The following MCCC1 variants were observed in gnomAD, a reference collection of about 807,000 sequenced individuals.
MCCC1 encodes the protein methylcrotonoyl-CoA carboxylase subunit alpha, mitochondrial.
A neutral mutation model predicts 83.8 loss-of-function variants in MCCC1; 64 were observed. The observed-to-expected ratio is 0.76, with a 90% CI of 0.62 to 0.94. The LOEUF (loss-of-function observed/expected upper bound fraction) is 0.94, where lower values mean the gene tolerates loss of function less well. Ranked by LOEUF, MCCC1 falls within the 40% of genes least tolerant of loss-of-function variation. The probability of loss-of-function intolerance (pLI) is 0.00; values close to 1 mark genes in which losing one functional copy is unlikely to be tolerated. For missense variants in MCCC1, 807 were observed against 904.7 expected, an observed-to-expected ratio of 0.89 and a Z score of 1.39; for synonymous variants, 322 against 315.4, an observed-to-expected ratio of 1.02 and a Z score of -0.22.
chr3:183,024,624 A>AC (rs891097449), intron 15 of MCCC1, among the ~76,000 whole-genome samples: 1 of 151,732 alleles, frequency 6.6e-6, no homozygotes, highest in Non-Finnish European at 1.5e-5. Context: ...AAAACAAAAA[A>AC]AAAACAAAAC....
intron 1 of MCCC1, chr3:183,099,123 G>C (rs1718957078): frequency 3.3e-6 from 2 of 600,946 alleles, no homozygotes; most frequent in Admixed American, 2.9e-5. Context: ...AGAAGCCAAA[G>C]GCGCGCTGAA....
chr3:183,046,892 G>A (rs1016159357), intron 9 of MCCC1, among the ~76,000 whole-genome samples: 2 of 152,184 alleles, frequency 1.3e-5, no homozygotes, highest in African/African-American at 4.8e-5. Context: ...ATACAGAGAT[G>A]CCATGAGGAG....
At chr3:183,034,766 C>A (rs545587116) in intron 13 of MCCC1, among the ~76,000 whole-genome samples, 6 of 145,310 alleles carry the variant, frequency 4.1e-5, no homozygotes, top group South Asian at 4.5e-4. Flanking sequence ...GTTGGCCCAG[C>A]CCTTATAGGC....
rs141503600 is a variant in MCCC1, at chr3:183,065,362, T to G, written c.761+5637A>C. ...GCTTAGGGAATGAGTCCTTTTCTTC[T>G]GTTTGTCTGTGTATTTATATGTGTT... On this transcript the variant is annotated intron_variant, in intron 7 of 18. Coordinates refer to ENST00000265594, the MANE Select transcript of MCCC1 (RefSeq NM_020166.5). Among the ~76,000 whole-genome samples the G allele has an allele frequency of 4.6e-5, 7 of 152,304 alleles. No homozygotes were observed. The East Asian group carries it at 1.3e-3, about 29-fold the overall frequency.
At position 183,052,243 on chromosome 3, in the gene MCCC1, A is replaced by T. The variant is rs1363919370; in HGVS notation, c.874-3T>A. 10 of 1,613,196 alleles carry T rather than the reference A, an allele frequency of 6.2e-6. No homozygotes were observed. Among genetic ancestry groups the T allele is most frequent in the Non-Finnish European group, 8.5e-6 (10 of 1,179,292 alleles). On this transcript the variant is annotated splice_polypyrimidine_tract_variant and splice_region_variant and intron_variant, in intron 8 of 18. Coordinates refer to ENST00000265594, the MANE Select transcript of MCCC1 (RefSeq NM_020166.5). ...CTTACTTCAGATTTAATACCAGGCTATGAAAAAAATATGTAAATAAATCTC... is the reference window on the plus strand; with the variant it reads ...CTTACTTCAGATTTAATACCAGGCTTTGAAAAAAATATGTAAATAAATCTC...
chr3:183,020,395 G>A (rs562135326), intron 16 of MCCC1, among the ~76,000 whole-genome samples, 158 bp from the exon 17 acceptor site: 1 of 152,326 alleles, frequency 6.6e-6, no homozygotes, highest in Non-Finnish European at 1.5e-5. Context: ...ACTTTGGGAG[G>A]CTGAGGTAGG....
At chr3:183,067,538 T>G (rs2108520327) in intron 7 of MCCC1, among the ~76,000 whole-genome samples, 1 of 152,376 alleles carries the variant, frequency 6.6e-6, no homozygotes, top group African/African-American at 2.4e-5. Flanking sequence ...TTTCAAGAAC[T>G]ATGGCACATT....
At position 183,022,530 on chromosome 3, in the gene MCCC1, G is replaced by A. The variant is rs769907561; in HGVS notation, c.1756C>T (p.Leu586Phe). 3 of 1,613,288 alleles carry A rather than the reference G, an allele frequency of 1.9e-6. No homozygotes were observed. Among genetic ancestry groups the A allele is most frequent in the Non-Finnish European group, 2.5e-6 (3 of 1,179,552 alleles). ...MQIEDKTFQV[L>F]GNLYSEGDCT... ...TCTCCCTCGCTGTAAAGATTACCAA[G>A]GACTTGGAAAGTTTTATCTTCAATC... The change falls in exon 16 of 19, where the codon CTT becomes TTT. Residue 586 changes from leucine to phenylalanine, a missense_variant. By Grantham distance (22) the Leu-to-Phe change is conservative. Coordinates refer to ENST00000265594, the MANE Select transcript of MCCC1 (RefSeq NM_020166.5).
chr3:183,035,991 G>A (rs1193555752), intron 13 of MCCC1, among the ~76,000 whole-genome samples: 3 of 53,358 alleles, frequency 5.6e-5, no homozygotes, highest in South Asian at 6.7e-4. Flanking sequence ...CCCACCCCAC[G>A]ACAGGCCCCG....
At chr3:183,069,173 A>C (rs1386631564) in intron 7 of MCCC1, among the ~76,000 whole-genome samples, 1 of 152,244 alleles carries the variant, frequency 6.6e-6, no homozygotes, top group Non-Finnish European at 1.5e-5. Context: ...CAGGCAATAT[A>C]TACAAAAAAT....
At chr3:183,090,683 G>A (rs961793891) in intron 3 of MCCC1, among the ~76,000 whole-genome samples, 9 of 151,932 alleles carry the variant, frequency 5.9e-5, no homozygotes, top group Admixed American at 4.6e-4. Flanking sequence ...TCCGCCTCCC[G>A]GGTTCAAGCG....
At chr3:183,105,721 A>C (rs955407146) in intron 1 of MCCC1, among the ~76,000 whole-genome samples, 4 of 152,192 alleles carry the variant, frequency 2.6e-5, no homozygotes, top group African/African-American at 9.7e-5. Flanking sequence ...AAAAACTCTT[A>C]CAAATAGAGC....
At chr3:183,019,857 T>C (rs1712002235) in intron 17 of MCCC1, among the ~76,000 whole-genome samples, 1 of 152,250 alleles carries the variant, frequency 6.6e-6, no homozygotes, top group Non-Finnish European at 1.5e-5. Flanking sequence ...GAATGCTCAG[T>C]TTTAATCATA....
At position 183,033,939 on chromosome 3, in the gene MCCC1, A is replaced by C. The variant is rs150671535; in HGVS notation, c.1681+52T>G. 229 of 1,366,544 alleles carry C rather than the reference A, an allele frequency of 1.7e-4. 1 individual carries two copies. The highest frequency in any genetic ancestry group is 4.7e-5 in the Non-Finnish European group (45 of 959,506). 84.7% of individuals were successfully genotyped at this position (1,366,544 alleles called of 1,614,324 possible). ...GGCTGGAATCCTCTTTTTCAGATTA[A>C]TGTGATACATTTCTATGACTCACAT... On this transcript the variant is annotated intron_variant, in intron 14 of 18. Coordinates refer to ENST00000265594, the MANE Select transcript of MCCC1 (RefSeq NM_020166.5).
intron 8 of MCCC1, among the ~76,000 whole-genome samples, chr3:183,056,066 C>A (rs556805422): frequency 1.1e-4 from 16 of 152,084 alleles, no homozygotes; most frequent in African/African-American, 3.9e-4. Context: ...AAATGTATGT[C>A]TAGAAGTAAA....
chr3:183,044,488 C>T (rs1714373455), intron 10 of MCCC1, among the ~76,000 whole-genome samples: 1 of 152,184 alleles, frequency 6.6e-6, no homozygotes, highest in African/African-American at 2.4e-5. Flanking sequence ...AACATTTACT[C>T]ATGGGCCCGC....
intron 14 of MCCC1, among the ~76,000 whole-genome samples, chr3:183,029,730 G>T (rs908955518): frequency 2.6e-5 from 4 of 151,798 alleles, no homozygotes; most frequent in Admixed American, 1.3e-4. Context: ...TTATAAATAG[G>T]GACAGTTACT....
chr3:183,038,343 G>C (rs1381629909), intron 12 of MCCC1, among the ~76,000 whole-genome samples: 1 of 152,198 alleles, frequency 6.6e-6, no homozygotes, highest in Non-Finnish European at 1.5e-5. Context: ...ATCATGTGGG[G>C]GAAGAACATT....
At chr3:183,086,454 A>G (rs1717898064) in intron 4 of MCCC1, among the ~76,000 whole-genome samples, 1 of 152,134 alleles carries the variant, frequency 6.6e-6, no homozygotes, top group African/African-American at 2.4e-5. Context: ...CCTAATTTTA[A>G]CTTGTAATTT....
Sources: gnomAD v4.1 joint callset for allele counts (sites outside exome capture counted in the v4.1 genomes callset) on GRCh38, gnomAD v4.1.1 for gene constraint, MANE v1.5 for transcripts, NCBI Gene and HGNC (gene_info 2026-07-23, HGNC 2026-07-21) for gene names.